Variants in TSPEAR observed in about 807,000 individuals in gnomAD.
TSPEAR encodes thrombospondin type laminin G domain and EAR repeats.
Under a neutral mutation model 71.6 loss-of-function variants are expected in TSPEAR, and 69 were observed. That is an observed-to-expected ratio of 0.96 (90% CI 0.79 to 1.18). The LOEUF (loss-of-function observed/expected upper bound fraction) is 1.18, where lower values mean the gene tolerates loss of function less well. TSPEAR is among the 50% of genes most tolerant of loss of function. The probability of loss-of-function intolerance (pLI) is 0.00; values close to 1 mark genes in which losing one functional copy is unlikely to be tolerated. For missense variants in TSPEAR, 971 were observed against 894.9 expected, an observed-to-expected ratio of 1.09 and a Z score of -1.09; for synonymous variants, 402 against 387.2, an observed-to-expected ratio of 1.04 and a Z score of -0.45.
At chr21:44,619,588 A>G (rs1555933172) in intron 1 of TSPEAR, among the ~76,000 whole-genome samples, 3 of 152,246 alleles carry the variant, frequency 2.0e-5, no homozygotes, top group African/African-American at 7.2e-5. Flanking sequence ...ACTAAATACA[A>G]TCACAGACAA....
intron 1 of TSPEAR, among the ~76,000 whole-genome samples, chr21:44,673,915 TA>T (rs1412919757): frequency 1.4e-5 from 2 of 144,056 alleles, no homozygotes; most frequent in African/African-American, 2.5e-5. Flanking sequence ...CAAAAAAAAA[TA>T]AAAAGGGAAA....
chr21:44,706,602 C>A (rs73909246), intron 1 of TSPEAR, among the ~76,000 whole-genome samples: 3,163 of 152,314 alleles, frequency 0.021, 114 homozygotes, highest in African/African-American at 0.072. Context: ...TGCTGGGTTG[C>A]GCTTCACCCA....
chr21:44,682,113 G>T (rs1555948159), intron 1 of TSPEAR: 2 of 1,613,776 alleles, frequency 1.2e-6, no homozygotes, highest in Non-Finnish European at 1.7e-6. Context: ...GGAGCAGCTG[G>T]TGTGGCACAT....
At chr21:44,589,967 T>C (rs2146118949) in intron 1 of TSPEAR, among the ~76,000 whole-genome samples, 1 of 152,354 alleles carries the variant, frequency 6.6e-6, no homozygotes, top group East Asian at 1.9e-4. Flanking sequence ...AGGCTCTCAT[T>C]TGTCCCTTCA....
At chr21:44,514,814 G>T (rs2052507667) in intron 9 of TSPEAR, among the ~76,000 whole-genome samples, 1 of 152,158 alleles carries the variant, frequency 6.6e-6, no homozygotes, top group Admixed American at 6.5e-5. Flanking sequence ...GACTTTGAGG[G>T]CAGGCGGAAG....
At chr21:44,557,998 T>C in intron 2 of TSPEAR, 1 of 1,563,468 alleles carries the variant, frequency 6.4e-7, no homozygotes. Context: ...GCAAGGATTT[T>C]CGGAAGTCAG....
chr21:44,710,382 A>G lies in TSPEAR; in HGVS notation c.82+1051T>C, dbSNP rs1485903901. ...CGAGGGCTGTCCTGGAGGCACAGCC[A>G]TCCGTCCCTGGGTGGGCAGGCACGT... is the stretch of plus-strand genomic sequence containing the variant. On this transcript the variant is annotated intron_variant, in intron 1 of 11. Coordinates refer to ENST00000323084, the MANE Select transcript of TSPEAR (RefSeq NM_144991.3). This position sits in a 1 kb window ranked among gnomAD's most constrained non-coding sequence, Gnocchi z 4.6. 2.0e-5 allele frequency among the ~76,000 whole-genome samples: 3 copies of G among 151,662 alleles called. No individual in the cohort carries two copies. The highest frequency in any genetic ancestry group is 2.9e-5 in the Non-Finnish European group (2 of 67,910).
rs1199512819 is a variant in TSPEAR at position 44,612,392 on chromosome 21, TGCTGCCAGCAGTCTA to T, written c.83-44402_83-44388del. 3 of 1,614,004 alleles carry T rather than the reference TGCTGCCAGCAGTCTA, an allele frequency of 1.9e-6. No homozygotes were observed. The African/African-American group carries it at 4.0e-5, about 22-fold the overall frequency. On this transcript the variant is annotated intron_variant, in intron 1 of 11. Coordinates refer to ENST00000323084, the MANE Select transcript of TSPEAR (RefSeq NM_144991.3). This position sits in a 1 kb window ranked among gnomAD's most constrained non-coding sequence, Gnocchi z 4.1. ...CTGCACCGACTCCTGCACACCTTCA[TGCTGCCAGCAGTCTA>T]GCTGCCAGCCGGCTTGCTGCACCTC...
chr21:44,650,226 A>G (rs1984696302), intron 1 of TSPEAR, among the ~76,000 whole-genome samples: 1 of 148,610 alleles, frequency 6.7e-6, no homozygotes, highest in Non-Finnish European at 1.5e-5. Flanking sequence ...AAAAAAAAAA[A>G]GAAAGAAAAG....
chr21:44,509,570 T>A (rs1331992816), intron 9 of TSPEAR, among the ~76,000 whole-genome samples, 184 bp from the exon 10 acceptor site: 3 of 150,962 alleles, frequency 2.0e-5, no homozygotes, highest in Non-Finnish European at 4.4e-5. Flanking sequence ...GGCGCAGAGG[T>A]GTGGGAGAGC....
At chr21:44,558,656 G>T in intron 2 of TSPEAR, 1 of 1,613,272 alleles carries the variant, frequency 6.2e-7, no homozygotes, top group Non-Finnish European at 8.5e-7. Context: ...CTGGGCAGGC[G>T]TCCACCTGCC....
chr21:44,572,041 C>T (rs989919121), intron 1 of TSPEAR, among the ~76,000 whole-genome samples: 35 of 152,310 alleles, frequency 2.3e-4, no homozygotes, highest in Middle Eastern at 3.4e-3. Context: ...AGGGAAACGG[C>T]GGCACCGCGA....
intron 1 of TSPEAR, chr21:44,675,889 G>T: frequency 1.4e-6 from 1 of 728,718 alleles, no homozygotes; most frequent in South Asian, 1.5e-5. Flanking sequence ...GTACTTGAGT[G>T]GTTCTTGTGC....
At chr21:44,548,732 C>A (rs2053346522) in intron 2 of TSPEAR, among the ~76,000 whole-genome samples, 1 of 152,184 alleles carries the variant, frequency 6.6e-6, no homozygotes, top group African/African-American at 2.4e-5. Flanking sequence ...TCACAGTTCC[C>A]CGCTGCACCA....
At chr21:44,686,125 G>T (rs2146304431) in intron 1 of TSPEAR, among the ~76,000 whole-genome samples, 1 of 152,166 alleles carries the variant, frequency 6.6e-6, no homozygotes, top group South Asian at 2.1e-4. Flanking sequence ...TTTGCAACAG[G>T]GGGACCTTGA....
At chr21:44,602,162 T>G in intron 1 of TSPEAR, 1 of 226,582 alleles carries the variant, frequency 4.4e-6, no homozygotes. Context: ...ATAAACTCCT[T>G]TCCTAAAAAG....
chr21:44,622,201 TAAC>T (rs1180000630), intron 1 of TSPEAR, among the ~76,000 whole-genome samples: 1 of 152,238 alleles, frequency 6.6e-6, no homozygotes, highest in Non-Finnish European at 1.5e-5. Context: ...TTGACTAAAG[TAAC>T]AACACATCTG....
At chr21:44,620,842 G>A (rs1982388991) in intron 1 of TSPEAR, among the ~76,000 whole-genome samples, 1 of 152,164 alleles carries the variant, frequency 6.6e-6, no homozygotes, top group South Asian at 2.1e-4. Flanking sequence ...ATCTCGTTAA[G>A]TTTTGGGTTA....
At chr21:44,658,370 G>T in intron 1 of TSPEAR, 1 of 1,195,442 alleles carries the variant, frequency 8.4e-7, no homozygotes. Context: ...TGAAAAGCAT[G>T]CCCAAGGAAA....
Sources: gnomAD v4.1 joint callset for allele counts (sites outside exome capture counted in the v4.1 genomes callset) on GRCh38, gnomAD v4.1.1 for gene constraint, Gnocchi (gnomAD v3.1) non-coding constraint, MANE v1.5 for transcripts, NCBI Gene and HGNC (gene_info 2026-07-23, HGNC 2026-07-21) for gene names.